Variants in TASOR observed in about 807,000 individuals in gnomAD.
TASOR encodes transcription activation suppressor.
TASOR carries 53 observed loss-of-function variants against 178.6 expected under a neutral mutation model. The observed-to-expected ratio is 0.30, with a 90% CI of 0.24 to 0.37. The LOEUF (loss-of-function observed/expected upper bound fraction) is 0.37. Among genes scored for constraint, TASOR ranks in the 10% least tolerant of loss-of-function variants. The pLI is 1.00. For missense variants in TASOR, 1,815 were observed against 1,971.4 expected (o/e 0.92, Z 1.50); for synonymous variants, 713 against 696.2 (o/e 1.02, Z -0.38).
rs1160704798 is a variant in TASOR, at chr3:56,633,676, T to C, written c.3115A>G (p.Lys1039Glu). The change falls in exon 18 of 24, where the codon AAG (lysine) becomes GAG (glutamate). Residue 1039 changes from lysine (K) to glutamate (E), a missense_variant. Transcript: ENST00000683822. The stretch of plus-strand genomic sequence containing the variant: ...ACTGTACTGACATATGAAACATTCT[T>C]TTGCTTCAAAATCTCTTCTATCTTC... ...SRKIEEILKQ[K>E]NVSYVSTVST... 1.2e-6 allele frequency: 2 copies of C among 1,614,038 alleles called. No individual in the cohort carries two copies. Among genetic ancestry groups the C allele is most frequent in the African/African-American group, 2.7e-5 (2 of 74,934 alleles).
rs1237937327 is a variant in TASOR, at chr3:56,633,066, C to T, written c.3725G>A (p.Ser1242Asn). Residue 1242 changes from serine to asparagine, a missense_variant, in exon 18 of 24, where the codon AGT (serine) becomes AAT (asparagine). Coordinates refer to ENST00000683822, the MANE Select transcript of TASOR (RefSeq NM_001365635.2). ...VKFYIHEEEE[S>N]VLCKEIKEYL... ...TACCTTTATTTCTTTACAGAGCACA[C>T]TCTCTTCTTCTTCATGAATATAAAA... The T allele has an allele frequency of 2.5e-6, 4 of 1,597,728 alleles. No homozygotes were observed. The highest frequency in any genetic ancestry group is 3.4e-6 in the Non-Finnish European group (4 of 1,174,340).
intron 14 of TASOR, 106 bp from the exon 15 acceptor site, chr3:56,641,858 AC>A (rs1447020058): frequency 2.7e-5 from 31 of 1,164,700 alleles, no homozygotes; most frequent in Non-Finnish European, 3.6e-5. Context: ...ATGGTCAGGA[AC>A]TCAACCAATT....
At chr3:56,660,350 T>C (rs915834192) in intron 11 of TASOR, among the ~76,000 whole-genome samples, 9 of 151,634 alleles carry the variant, frequency 5.9e-5, no homozygotes, top group African/African-American at 2.2e-4. Flanking sequence ...ATCAGCTGGC[T>C]GTGGTGGTGT....
chr3:56,623,965 T>A, intron 23 of TASOR: 1 of 748,106 alleles, frequency 1.3e-6, no homozygotes, highest in Non-Finnish European at 2.1e-6. Flanking sequence ...ATTTCTGCTT[T>A]TTTTCATCAA....
In TASOR at chr3:56,621,750, C is replaced by A; in HGVS notation, c.*1287G>T. 1.2e-5 allele frequency: 5 copies of A among 425,560 alleles called. No individual in the cohort carries two copies. The highest frequency in any genetic ancestry group is 7.8e-4 in the Middle Eastern group (1 of 1,284). 26.4% of individuals were successfully genotyped at this position (425,560 alleles called of 1,614,324 possible). A position where few individuals can be genotyped will look rare whatever the true frequency, so the allele number is the denominator to read the frequency against. The stretch of plus-strand genomic sequence containing the variant: ...TAAATGCTCATTAAAAACTTGTATA[C>A]TATGTAGTAAAATGCTGTACTTGTT... On this transcript the variant is annotated 3_prime_UTR_variant, in exon 24 of 24. Transcript: ENST00000683822.
intron 11 of TASOR, among the ~76,000 whole-genome samples, chr3:56,653,262 CAAAAAA>C (rs1176419181): frequency 2.0e-4 from 1 of 4,962 alleles, no homozygotes; most frequent in Non-Finnish European, 4.0e-4. Flanking sequence ...GACTCCATCT[CAAAAAA>C]AAAAAAAAAA....
chr3:56,680,201 T>A (rs545705557), intron 1 of TASOR, among the ~76,000 whole-genome samples: 1 of 152,202 alleles, frequency 6.6e-6, no homozygotes, highest in Non-Finnish European at 1.5e-5. Flanking sequence ...CTGTGTGACC[T>A]GAAGCAAGTT....
intron 9 of TASOR, among the ~76,000 whole-genome samples, chr3:56,661,942 T>C (rs1578267181): frequency 6.7e-6 from 1 of 149,858 alleles, no homozygotes; most frequent in Non-Finnish European, 1.5e-5. Flanking sequence ...CTGACTGACA[T>C]GGCAAAAGCC....
At chr3:56,682,425 C>G (rs1207661000) in intron 1 of TASOR, among the ~76,000 whole-genome samples, 1 of 152,060 alleles carries the variant, frequency 6.6e-6, no homozygotes, top group East Asian at 1.9e-4. Flanking sequence ...GGAGCTGCAG[C>G]CTTACGGACA....
Position 56,662,366 on chromosome 3 carries a change from G to A in TASOR, c.1160+19C>T. 7.5e-7 allele frequency: 1 copy of A among 1,326,416 alleles called. No individual in the cohort carries two copies. The highest frequency in any genetic ancestry group is 1.1e-6 in the Non-Finnish European group (1 of 943,946). 82.2% of individuals were successfully genotyped at this position (1,326,416 alleles called of 1,614,324 possible). ...GTGATAAAATTAGCAACCACGAACT[G>A]CTCTTTACTTATACTTACAGTTTGA... On this transcript the variant is annotated intron_variant, in intron 9 of 23. Transcript: ENST00000683822.
At chr3:56,682,250 T>A (rs1266073713) in intron 1 of TASOR, among the ~76,000 whole-genome samples, 1 of 152,194 alleles carries the variant, frequency 6.6e-6, no homozygotes, top group Non-Finnish European at 1.5e-5. Flanking sequence ...GAAGCACTCA[T>A]GGTCCTCAGA....
intron 17 of TASOR, 63 bp from the exon 18 acceptor site, chr3:56,634,029 C>T (rs1438962838): frequency 2.3e-6 from 3 of 1,330,786 alleles, no homozygotes. Context: ...AAAACACAAA[C>T]CCTTAAATTG....
intron 2 of TASOR, among the ~76,000 whole-genome samples, chr3:56,673,090 C>T (rs900024764): frequency 7.2e-5 from 11 of 152,318 alleles, no homozygotes; most frequent in African/African-American, 2.6e-4. Flanking sequence ...GGATTACAGG[C>T]ATGAGCCACC....
Position 56,683,250 on chromosome 3 carries a change from C to T in TASOR, c.-244G>A, listed in dbSNP as rs898760929. 6 of 428,442 alleles carry T rather than the reference C, an allele frequency of 1.4e-5. No individual in the cohort carries two copies. Among genetic ancestry groups the T allele is most frequent in the Non-Finnish European group, 2.5e-5 (6 of 243,830 alleles). 26.5% of individuals were successfully genotyped at this position (428,442 alleles called of 1,614,324 possible). On this transcript the variant is annotated 5_prime_UTR_variant, in exon 1 of 24. Coordinates refer to ENST00000683822, the MANE Select transcript of TASOR (RefSeq NM_001365635.2). ...GGGCAGTTCTTCTGCCTTCCCCCGC[C>T]ACTCAACGTGCGCGCGTCGGGGCCG...
At chr3:56,653,019 C>T (rs965305614) in intron 11 of TASOR, among the ~76,000 whole-genome samples, 1 of 152,044 alleles carries the variant, frequency 6.6e-6, no homozygotes. Flanking sequence ...AATCCCAGCA[C>T]TTTGGGAGGC....
intron 2 of TASOR, 81 bp downstream of exon 2, chr3:56,673,499 G>C (rs955042331): frequency 1.1e-5 from 8 of 728,108 alleles, no homozygotes; most frequent in Non-Finnish European, 1.5e-5. Flanking sequence ...AAAAATTTTA[G>C]TATTTCTAGA....
chr3:56,626,043 T>C (rs2076792255), intron 21 of TASOR, among the ~76,000 whole-genome samples: 1 of 152,248 alleles, frequency 6.6e-6, no homozygotes, highest in Non-Finnish European at 1.5e-5. Context: ...TCCTGAACAG[T>C]GTACCATGGA....
At chr3:56,640,899 C>G (rs1257812279) in intron 15 of TASOR, among the ~76,000 whole-genome samples, 1 of 152,150 alleles carries the variant, frequency 6.6e-6, no homozygotes, top group Admixed American at 6.5e-5. Flanking sequence ...TGCTTATGTT[C>G]CATTCCTATT....
intron 11 of TASOR, among the ~76,000 whole-genome samples, chr3:56,652,008 T>C (rs1246493571): frequency 6.6e-6 from 1 of 152,166 alleles, no homozygotes; most frequent in Non-Finnish European, 1.5e-5. Context: ...TAAAACAGAA[T>C]GAAGTTCTGA....
Sources: gnomAD v4.1 joint callset for allele counts (sites outside exome capture counted in the v4.1 genomes callset) on GRCh38, gnomAD v4.1.1 for gene constraint, MANE v1.5 for transcripts, NCBI Gene and HGNC (gene_info 2026-07-23, HGNC 2026-07-21) for gene names.